Variants in KCNH5 observed in about 807,000 individuals in gnomAD.
KCNH5 encodes the protein voltage-gated delayed rectifier potassium channel KCNH5.
Under a neutral mutation model 96.1 loss-of-function variants are expected in KCNH5, and 46 were observed. The observed-to-expected ratio is 0.48, with a 90% CI of 0.38 to 0.61. KCNH5 has a LOEUF of 0.61. Ranked by LOEUF, KCNH5 falls within the 20% of genes least tolerant of loss-of-function variation. The pLI, the probability that KCNH5 is intolerant of heterozygous loss-of-function variation, is 0.00. For synonymous variants in KCNH5, 439 were observed against 449.8 expected, an observed-to-expected ratio of 0.98 and a Z score of 0.30; for missense variants, 907 against 1,225.8, an observed-to-expected ratio of 0.74 and a Z score of 3.88.
intron 7 of KCNH5, among the ~76,000 whole-genome samples, chr14:62,918,931 T>C (rs1889328536): frequency 6.6e-6 from 1 of 152,114 alleles, no homozygotes; most frequent in Admixed American, 6.6e-5. Flanking sequence ...ATTTTTAATA[T>C]TAATATTGGA....
intron 7 of KCNH5, among the ~76,000 whole-genome samples, chr14:62,916,972 T>G (rs12587225): frequency 0.14 from 20,787 of 152,174 alleles, 1,603 homozygotes; most frequent in East Asian, 0.28. Flanking sequence ...ATTCTAGAAT[T>G]CATGTGGGAG....
intron 7 of KCNH5, among the ~76,000 whole-genome samples, chr14:62,941,717 A>G (rs950585001): frequency 2.6e-5 from 4 of 152,208 alleles, no homozygotes; most frequent in Non-Finnish European, 5.9e-5. Context: ...CGCAATAACA[A>G]GGCCAAGACA....
intron 7 of KCNH5, among the ~76,000 whole-genome samples, chr14:62,941,242 G>C (rs1474594192): frequency 6.6e-6 from 1 of 152,186 alleles, no homozygotes; most frequent in Non-Finnish European, 1.5e-5. Context: ...AAAATGTCAT[G>C]CTGTTTTCTG....
chr14:63,022,799 C>T (rs902900808), intron 1 of KCNH5, among the ~76,000 whole-genome samples: 2 of 152,124 alleles, frequency 1.3e-5, no homozygotes, highest in Non-Finnish European at 2.9e-5. Context: ...GGGAATCTTT[C>T]CCTGACTGCT....
rs1276537023 is a variant in KCNH5, at chr14:62,885,982, C to T, written c.1370-36130G>A. ...ATATTTATAGCCCCAAATCCCATAG[C>T]ACTTCCCTAATGTAATAATTTCTGC... On this transcript the variant is annotated intron_variant, in intron 7 of 10. Coordinates refer to ENST00000322893, the MANE Select transcript of KCNH5 (RefSeq NM_139318.5). Among the ~76,000 whole-genome samples the T allele has an allele frequency of 2.0e-5, 3 of 152,196 alleles. No homozygotes were observed. In the East Asian group the frequency reaches 5.8e-4, roughly 29 times the overall value.
chr14:62,768,112 A>G (rs1244127830), intron 10 of KCNH5, among the ~76,000 whole-genome samples: 2 of 152,168 alleles, frequency 1.3e-5, no homozygotes, highest in Non-Finnish European at 2.9e-5. Flanking sequence ...ATCACAATGT[A>G]TATTACTCAG....
At chr14:62,848,186 A>G (rs1425000889) in intron 8 of KCNH5, among the ~76,000 whole-genome samples, 1 of 152,196 alleles carries the variant, frequency 6.6e-6, no homozygotes, top group African/African-American at 2.4e-5. Flanking sequence ...ATAGTGATTG[A>G]CGAGGCCGGT....
intron 8 of KCNH5, among the ~76,000 whole-genome samples, chr14:62,812,879 C>T (rs1469960483): frequency 6.6e-6 from 1 of 152,078 alleles, no homozygotes; most frequent in Non-Finnish European, 1.5e-5. Flanking sequence ...ACATTATAAT[C>T]AATTCCTATG....
At chr14:62,870,406 G>A (rs868827899) in intron 7 of KCNH5, among the ~76,000 whole-genome samples, 32 of 152,264 alleles carry the variant, frequency 2.1e-4, no homozygotes, top group African/African-American at 7.2e-4. Context: ...ATATTTAAAT[G>A]TGAGTAGTAA....
Position 62,708,203 on chromosome 14 carries a change from T to A in KCNH5, c.2272A>T (p.Ile758Phe), listed in dbSNP as rs1423772716. 5 of 1,614,238 alleles carry A rather than the reference T, an allele frequency of 3.1e-6. No homozygotes were observed. Among genetic ancestry groups the A allele is most frequent in the Non-Finnish European group, 4.2e-6 (5 of 1,180,050 alleles). Residue 758 changes from isoleucine to phenylalanine, a missense_variant, in exon 11 of 11, where the codon ATT becomes TTT. Transcript: ENST00000322893. ...GCCAGAGACGTCTGAATGGGAGTAATCTGTGACACAGTCACCACGCTGGTT... is the reference window on the plus strand; with the variant it reads ...GCCAGAGACGTCTGAATGGGAGTAAACTGTGACACAGTCACCACGCTGGTT... The part of the protein sequence containing the change: ...TGTSVVTVSQ[I>F]TPIQTSLAYV...
At chr14:62,973,489 G>A (rs1383558009) in intron 6 of KCNH5, among the ~76,000 whole-genome samples, 1 of 152,152 alleles carries the variant, frequency 6.6e-6, no homozygotes, top group Admixed American at 6.5e-5. Context: ...CAGAAGCGGT[G>A]TGCTGTCTTC....
At chr14:62,786,691 G>A (rs1886327178) in intron 9 of KCNH5, among the ~76,000 whole-genome samples, 3 of 152,062 alleles carry the variant, frequency 2.0e-5, no homozygotes, top group Admixed American at 6.5e-5. Flanking sequence ...GTCTATCGGT[G>A]TCATATTTCT....
Position 62,983,153 on chromosome 14 carries a change from C to T in KCNH5, c.550-1889G>A, listed in dbSNP as rs146236641. ...CAGTACCAGGGTGCATTACCACCTT[C>T]GTGGACCCTAAGCCTTTGTGCCTTC... On this transcript the variant is annotated intron_variant, in intron 5 of 10. Coordinates refer to ENST00000322893, the MANE Select transcript of KCNH5 (RefSeq NM_139318.5). 4.9e-3 allele frequency among the ~76,000 whole-genome samples: 744 copies of T among 152,242 alleles called. 10 individuals carry two copies. The highest frequency in any genetic ancestry group is 0.017 in the African/African-American group (707 of 41,548).
At position 62,708,199 on chromosome 14, in the gene KCNH5, G is replaced by A. The variant is rs1224412746; in HGVS notation, c.2276C>T (p.Thr759Ile). Residue 759 changes from threonine (T) to isoleucine (I), a missense_variant, in exon 11 of 11, where the codon ACT becomes ATT. This residue lies in a region of KCNH5 where 362 missense variants were observed against 394.4 expected (regional missense o/e 0.92). Transcript: ENST00000322893. ...ATAGGCCAGAGACGTCTGAATGGGA[G>A]TAATCTGTGACACAGTCACCACGCT... ...GTSVVTVSQI[T>I]PIQTSLAYVK... 1 of 1,614,252 alleles carries A rather than the reference G, an allele frequency of 6.2e-7. No homozygotes were observed. Among genetic ancestry groups the A allele is most frequent in the Non-Finnish European group, 8.5e-7 (1 of 1,180,046 alleles).
intron 7 of KCNH5, among the ~76,000 whole-genome samples, chr14:62,862,534 G>T (rs1416300148): frequency 1.3e-5 from 2 of 152,170 alleles, no homozygotes; most frequent in Non-Finnish European, 2.9e-5. Flanking sequence ...CCCACTAAAA[G>T]ATGGAATCTA....
chr14:62,944,703 A>T (rs1264349621), intron 7 of KCNH5, among the ~76,000 whole-genome samples: 3 of 152,216 alleles, frequency 2.0e-5, no homozygotes, highest in Admixed American at 6.6e-5. Context: ...AAGGTACTAT[A>T]ACACTTCATG....
chr14:62,922,091 T>C (rs892522556), intron 7 of KCNH5, among the ~76,000 whole-genome samples: 13 of 152,138 alleles, frequency 8.5e-5, no homozygotes, highest in African/African-American at 3.1e-4. Flanking sequence ...ATATACATTC[T>C]GGGTTCCACC....
chr14:62,978,309 G>A (rs1276572821), intron 6 of KCNH5, among the ~76,000 whole-genome samples: 1 of 152,200 alleles, frequency 6.6e-6, no homozygotes, highest in Non-Finnish European at 1.5e-5. Context: ...TGGACCCAGG[G>A]TGCCGCTGAC....
Position 62,783,315 on chromosome 14 carries a change from T to C in KCNH5, c.1823-3391A>G, listed in dbSNP as rs140408520. 6.2e-4 allele frequency among the ~76,000 whole-genome samples: 94 copies of C among 152,328 alleles called. 2 individuals carry two copies. The East Asian group carries it at 0.017, about 27-fold the overall frequency. Reference sequence around the variant, plus strand: ...TTGTCTTATAATTTGTGTAATACTTTGTAAACAGAAGAGATCAACAACTGT... The same window carrying C: ...TTGTCTTATAATTTGTGTAATACTTCGTAAACAGAAGAGATCAACAACTGT... On this transcript the variant is annotated intron_variant, in intron 9 of 10. Coordinates refer to ENST00000322893, the MANE Select transcript of KCNH5 (RefSeq NM_139318.5).
Sources: allele counts gnomAD v4.1 joint callset (sites outside exome capture counted in the v4.1 genomes callset), GRCh38; gene constraint gnomAD v4.1.1; regional missense constraint gnomAD v4.1.1; transcripts MANE v1.5; gene names NCBI Gene and HGNC (gene_info 2026-07-23, HGNC 2026-07-21).